Variants in RAB2A observed in about 807,000 individuals in gnomAD.
RAB2A encodes the protein RAB2A, member RAS oncogene family, also known as ras-related protein Rab-2A.
In RAB2A, 7 loss-of-function variants were observed where a neutral mutation model predicts 32.5. The observed-to-expected ratio is 0.22, with a 90% CI of 0.12 to 0.40. The LOEUF (loss-of-function observed/expected upper bound fraction) is 0.40, where lower values mean the gene tolerates loss of function less well. Among genes scored for constraint, RAB2A ranks in the 10% least tolerant of loss-of-function variants. The pLI, the probability that RAB2A is intolerant of heterozygous loss-of-function variation, is 1.00. For missense variants in RAB2A, 108 were observed against 260.7 expected, an observed-to-expected ratio of 0.41 and a Z score of 4.03; for synonymous variants, 79 against 85.2, an observed-to-expected ratio of 0.93 and a Z score of 0.40.
At chr8:60,599,206 G>T (rs1028330762) in intron 6 of RAB2A, among the ~76,000 whole-genome samples, 2 of 152,022 alleles carry the variant, frequency 1.3e-5, no homozygotes, top group Non-Finnish European at 2.9e-5. Context: ...GAAATACTTA[G>T]GGGTGAATCT....
intron 6 of RAB2A, among the ~76,000 whole-genome samples, chr8:60,613,054 C>T (rs139428674): frequency 7.9e-4 from 121 of 152,346 alleles, no homozygotes; most frequent in African/African-American, 2.9e-3. Context: ...GTGCTTTTCA[C>T]AGGACTCTCC....
At chr8:60,533,373 C>T (rs1807506296) in intron 1 of RAB2A, among the ~76,000 whole-genome samples, 1 of 152,182 alleles carries the variant, frequency 6.6e-6, no homozygotes, top group African/African-American at 2.4e-5. Flanking sequence ...CTATAACATT[C>T]ATGACATTTT....
chr8:60,576,273 G>A (rs1291658157), intron 3 of RAB2A: 7 of 456,158 alleles, frequency 1.5e-5, no homozygotes, highest in Non-Finnish European at 2.6e-5. Flanking sequence ...CCTGGTTTCT[G>A]TTCATTGGCA....
chr8:60,584,298 C>T lies in RAB2A; in HGVS notation c.269+8C>T. 6.3e-7 allele frequency: 1 copy of T among 1,579,120 alleles called. No homozygotes were observed. The highest frequency in any genetic ancestry group is 8.7e-7 in the Non-Finnish European group (1 of 1,148,402). ...AGTTTACGATATTACACGGTGAGAACTTGAAAACTTTGCAATTCAGTAGTT... is the reference window on the plus strand; with the variant it reads ...AGTTTACGATATTACACGGTGAGAATTTGAAAACTTTGCAATTCAGTAGTT... On this transcript the variant is annotated splice_region_variant and intron_variant, in intron 4 of 7. Coordinates refer to ENST00000262646, the MANE Select transcript of RAB2A (RefSeq NM_002865.3).
chr8:60,610,125 G>A (rs1804313195), intron 6 of RAB2A, among the ~76,000 whole-genome samples: 1 of 151,922 alleles, frequency 6.6e-6, no homozygotes, highest in Non-Finnish European at 1.5e-5. Flanking sequence ...ACCCTTCCCA[G>A]AAGCCTTATG....
intron 1 of RAB2A, among the ~76,000 whole-genome samples, chr8:60,539,812 TAA>T (rs1807612167): frequency 6.6e-6 from 1 of 152,214 alleles, no homozygotes; most frequent in East Asian, 1.9e-4. Context: ...GTAGAAATGG[TAA>T]AAAATCAAAA....
At chr8:60,547,676 G>C (rs62510244) in intron 1 of RAB2A, among the ~76,000 whole-genome samples, 1 of 77,102 alleles carries the variant, frequency 1.3e-5, no homozygotes, top group Admixed American at 1.3e-4. Flanking sequence ...CCTCCCTCCC[G>C]GACGGGGCGG....
At chr8:60,580,542 C>T (rs1355729984) in intron 3 of RAB2A, among the ~76,000 whole-genome samples, 2 of 152,140 alleles carry the variant, frequency 1.3e-5, no homozygotes, top group African/African-American at 2.4e-5. Context: ...CTATTCTGAA[C>T]ACTCATCTTT....
chr8:60,605,131 G>A (rs1042823145), intron 6 of RAB2A, among the ~76,000 whole-genome samples: 1 of 152,200 alleles, frequency 6.6e-6, no homozygotes, highest in Non-Finnish European at 1.5e-5. Flanking sequence ...TTTAGTTCCA[G>A]CTGTAGCTCA....
chr8:60,540,186 TTC>T (rs1361337338), intron 1 of RAB2A, among the ~76,000 whole-genome samples: 2 of 150,928 alleles, frequency 1.3e-5, no homozygotes, highest in African/African-American at 4.9e-5. Context: ...GTCTCATCCA[TTC>T]TCTTTTTGTC....
At chr8:60,526,201 T>A (rs1185940120) in intron 1 of RAB2A, among the ~76,000 whole-genome samples, 1 of 152,056 alleles carries the variant, frequency 6.6e-6, no homozygotes, top group East Asian at 1.9e-4. Flanking sequence ...CCCTTCTAGC[T>A]CATTCAGCTA....
Position 60,548,645 on chromosome 8 carries a change from A to AC in RAB2A, c.47-10200dup, listed in dbSNP as rs554167296. Among the ~76,000 whole-genome samples, 28 of 138,298 alleles carry AC rather than the reference A, an allele frequency of 2.0e-4. No individual in the cohort carries two copies. The South Asian group carries it at 4.6e-3, about 23-fold the overall frequency. 90.7% of individuals were successfully genotyped at this position (138,298 alleles called of 152,430 possible). ...GGGCGGCTGGCCGAGCGGGGGGCTG[A>AC]CCCCCCCACCTCCCTCCCGGACGGA... On this transcript the variant is annotated intron_variant, in intron 1 of 7. Coordinates refer to ENST00000262646, the MANE Select transcript of RAB2A (RefSeq NM_002865.3).
At chr8:60,597,592 AC>A (rs1379738729) in intron 6 of RAB2A, among the ~76,000 whole-genome samples, 1 of 152,224 alleles carries the variant, frequency 6.6e-6, no homozygotes, top group African/African-American at 2.4e-5. Context: ...ATTTAAAAAA[AC>A]AAAAGAAAAG....
chr8:60,516,973 C>T (rs1022345207), upstream of RAB2A: 5 of 417,002 alleles, frequency 1.2e-5, no homozygotes, highest in African/African-American at 1.0e-4. Flanking sequence ...GGCGGAGGCG[C>T]CGCGGCGGCT....
chr8:60,578,605 G>A (rs1041568574), intron 3 of RAB2A, among the ~76,000 whole-genome samples: 1 of 152,214 alleles, frequency 6.6e-6, no homozygotes, highest in South Asian at 2.1e-4. Context: ...GAGACAAGTA[G>A]AGGTCTGATT....
intron 2 of RAB2A, among the ~76,000 whole-genome samples, chr8:60,564,479 T>G (rs1161845131): frequency 1.3e-5 from 2 of 152,200 alleles, no homozygotes; most frequent in Non-Finnish European, 2.9e-5. Context: ...CAGAATGAAT[T>G]GTTCATATTT....
chr8:60,548,622 G>A (rs1742385988), intron 1 of RAB2A, among the ~76,000 whole-genome samples: 1 of 145,142 alleles, frequency 6.9e-6, no homozygotes, highest in African/African-American at 2.6e-5. Flanking sequence ...CCCGGATGGG[G>A]CGGCTGGCCG....
rs754273907 is a variant in RAB2A, at chr8:60,572,024, A to G, written c.119-22A>G. Reference sequence around the variant, plus strand: ...ATATATTCCCACTAATTTTGTAACAAATCATTTCCTACTCTATTTAGGTGT... The same window carrying G: ...ATATATTCCCACTAATTTTGTAACAGATCATTTCCTACTCTATTTAGGTGT... On this transcript the variant is annotated intron_variant, in intron 2 of 7. Transcript: ENST00000262646. 5 of 1,568,870 alleles carry G rather than the reference A, an allele frequency of 3.2e-6. No homozygotes were observed. In the East Asian group the frequency reaches 1.1e-4, roughly 35 times the overall value.
intron 1 of RAB2A, among the ~76,000 whole-genome samples, chr8:60,537,537 G>C (rs1425921382): frequency 6.6e-6 from 1 of 152,048 alleles, no homozygotes; most frequent in African/African-American, 2.4e-5. Context: ...TAATTCTTTT[G>C]TAATGCTAGT....
Sources: allele counts gnomAD v4.1 joint callset (sites outside exome capture counted in the v4.1 genomes callset), GRCh38; gene constraint gnomAD v4.1.1; transcripts MANE v1.5; gene names NCBI Gene and HGNC (gene_info 2026-07-23, HGNC 2026-07-21).